Variants in DNAAF5 observed in about 807,000 individuals in gnomAD.
DNAAF5 encodes HEAT repeat containing 2.
In DNAAF5, 64 loss-of-function variants were observed where a neutral mutation model predicts 75.8. That is an observed-to-expected ratio of 0.84 (90% CI 0.69 to 1.04). The LOEUF is 1.04. Ranked by LOEUF, DNAAF5 falls within the 50% of genes least tolerant of loss-of-function variation. The probability of loss-of-function intolerance (pLI) is 0.00; values close to 1 mark genes in which losing one functional copy is unlikely to be tolerated. For missense variants in DNAAF5, 1,269 were observed against 1,178.5 expected (o/e 1.08, Z -1.12); for synonymous variants, 657 against 557.2 (o/e 1.18, Z -2.52).
At chr7:759,317 A>G (rs546310063) in intron 6 of DNAAF5, among the ~76,000 whole-genome samples, 7 of 152,328 alleles carry the variant, frequency 4.6e-5, no homozygotes, top group African/African-American at 1.7e-4. Flanking sequence ...TGGCTTTAGC[A>G]GTAGGTACTT....
chr7:775,851 G>A (rs150236220), intron 11 of DNAAF5, among the ~76,000 whole-genome samples: 29 of 152,266 alleles, frequency 1.9e-4, no homozygotes, highest in Middle Eastern at 3.4e-3. Context: ...AGCGTTAAAC[G>A]TAATCTAGAG....
At chr7:750,220 G>A (rs114503582) in intron 4 of DNAAF5, among the ~76,000 whole-genome samples, 1,621 of 152,318 alleles carry the variant, frequency 0.011, 31 homozygotes, top group African/African-American at 0.037. Flanking sequence ...GCACAGGTTC[G>A]TGGCCTAGGA....
intron 8 of DNAAF5, among the ~76,000 whole-genome samples, chr7:764,376 T>C (rs996260851): frequency 2.0e-5 from 3 of 152,258 alleles, no homozygotes; most frequent in African/African-American, 7.2e-5. Context: ...GTGGTTCTCT[T>C]TGAGCCTGCG....
intron 8 of DNAAF5, among the ~76,000 whole-genome samples, chr7:767,224 G>T (rs926808483): frequency 1.3e-4 from 18 of 139,476 alleles, no homozygotes; most frequent in African/African-American, 4.9e-4. Flanking sequence ...AGGCGACAGA[G>T]CGAGACTCGG....
Position 726,992 on chromosome 7 carries a change from G to C in DNAAF5, c.272G>C (p.Gly91Ala). Residue 91 changes from glycine to alanine, a missense_variant, in exon 1 of 13, where the codon GGC (glycine) becomes GCC (alanine). Coordinates refer to ENST00000297440, the MANE Select transcript of DNAAF5 (RefSeq NM_017802.4). ...CGCTGCCTGAGCGACCCCGCCGAGG[G>C]CTGCCGCGCGCTGGCAGTGCACCTG... ...LLRCLSDPAE[G>A]CRALAVHLLD... 1 of 1,261,184 alleles carries C rather than the reference G, an allele frequency of 7.9e-7. No individual in the cohort carries two copies. 78.1% of individuals were successfully genotyped at this position (1,261,184 alleles called of 1,614,324 possible).
rs74857857 is a variant in DNAAF5 at position 729,559 on chromosome 7, G to T, written c.596-104G>T. On this transcript the variant is annotated intron_variant, in intron 1 of 12. Coordinates refer to ENST00000297440, the MANE Select transcript of DNAAF5 (RefSeq NM_017802.4). ...AAGGACCTGGCGTAGGAGAGGAAGG[G>T]AGGTGAGGAACTCATAGGCAGGCAG... 200,016 of 1,046,970 alleles carry T rather than the reference G, an allele frequency of 0.19. 21,494 individuals are homozygous for T. The highest frequency in any genetic ancestry group is 0.25 in the Middle Eastern group (810 of 3,194). The allele number at this position is 1,046,970 out of a possible 1,614,324, so 64.9% of individuals were successfully genotyped here.
At position 727,176 on chromosome 7, in the gene DNAAF5, C is replaced by A. The variant is rs769656987; in HGVS notation, c.456C>A (p.Ala152=). 3.0e-6 allele frequency: 4 copies of A among 1,334,874 alleles called. No homozygotes were observed. Among genetic ancestry groups the A allele is most frequent in the African/African-American group, 1.5e-5 (1 of 64,736 alleles). The allele number at this position is 1,334,874 out of a possible 1,614,324, so 82.7% of individuals were successfully genotyped here. ...RLALVQLLGL[A]VDLCGAALAP... is the part of the protein sequence containing the mutation. Reference sequence around the variant, plus strand: ...CGCTTGTGCAGCTGCTGGGCCTGGCCGTGGACCTGTGCGGCGCCGCGCTCG... The same window carrying A: ...CGCTTGTGCAGCTGCTGGGCCTGGCAGTGGACCTGTGCGGCGCCGCGCTCG... The change falls in exon 1 of 13, where the codon GCC becomes GCA. Residue 152 remains alanine (A), a synonymous_variant. Transcript: ENST00000297440.
intron 8 of DNAAF5, among the ~76,000 whole-genome samples, chr7:769,446 G>T (rs1778478998): frequency 6.6e-6 from 1 of 152,206 alleles, no homozygotes; most frequent in African/African-American, 2.4e-5. Context: ...TGGGGCGTAG[G>T]ATGCACAGTG....
intron 2 of DNAAF5, 128 bp downstream of exon 2, chr7:729,975 C>T (rs1267314966): frequency 1.1e-6 from 1 of 874,040 alleles, no homozygotes; most frequent in African/African-American, 1.7e-5. Flanking sequence ...TTCATTATTC[C>T]TAGTCACAGG....
chr7:767,998 G>A (rs1415810761), intron 8 of DNAAF5, among the ~76,000 whole-genome samples: 4 of 148,130 alleles, frequency 2.7e-5, no homozygotes, highest in Non-Finnish European at 6.0e-5. Context: ...TAGACACGTG[G>A]CCCGGGCGGA....
Position 754,749 on chromosome 7 carries a change from G to A in DNAAF5, c.1185G>A (p.Thr395=), listed in dbSNP as rs139675128. The change falls in exon 5 of 13, where the codon ACG becomes ACA. Residue 395 remains threonine, a synonymous_variant. Coordinates refer to ENST00000297440, the MANE Select transcript of DNAAF5 (RefSeq NM_017802.4). This position sits in a 1 kb window ranked among gnomAD's most constrained non-coding sequence, Gnocchi z 4.8. The part of the protein sequence containing the change: ...VLLLHAEDHA[T]QHLEVVLRTL... Reference sequence around the variant, plus strand: ...TGCTGCATGCCGAGGACCACGCCACGCAGCACCTGGAGGTCGTCCTCCGGA... The same window carrying A: ...TGCTGCATGCCGAGGACCACGCCACACAGCACCTGGAGGTCGTCCTCCGGA... The A allele has an allele frequency of 8.6e-5, 138 of 1,613,546 alleles. No individual in the cohort carries two copies. In the African/African-American group the frequency reaches 1.4e-3, roughly 17 times the overall value.
chr7:731,277 A>C (rs1781553709), intron 2 of DNAAF5, among the ~76,000 whole-genome samples: 1 of 152,168 alleles, frequency 6.6e-6, no homozygotes, highest in African/African-American at 2.4e-5. Context: ...CACTGTCTAA[A>C]AATAACCATC....
At position 750,377 on chromosome 7, in the gene DNAAF5, C is replaced by T. The variant is rs555446703; in HGVS notation, c.1025-4212C>T. On this transcript the variant is annotated intron_variant, in intron 4 of 12. Transcript: ENST00000297440. ...GTGTTTCCCAGAACGCACCCCCCAC[C>T]GTTCAGCAACGCTTGACTGTACCAG... Among the ~76,000 whole-genome samples the T allele has an allele frequency of 5.9e-5, 9 of 152,334 alleles. No homozygotes were observed. The South Asian group carries it at 1.5e-3, about 25-fold the overall frequency.
intron 8 of DNAAF5, among the ~76,000 whole-genome samples, chr7:764,773 T>A (rs1244311502): frequency 6.6e-6 from 1 of 152,212 alleles, no homozygotes. Context: ...GTTTCCAAAT[T>A]AGAAAAGAAA....
chr7:774,322 T>G (rs1178419173), intron 10 of DNAAF5, 124 bp downstream of exon 10: 13 of 1,025,418 alleles, frequency 1.3e-5, no homozygotes, highest in African/African-American at 1.2e-4. Context: ...CTGGGGCCCG[T>G]ACCCCAAGAG....
intron 4 of DNAAF5, among the ~76,000 whole-genome samples, chr7:750,647 C>T (rs1782264383): frequency 6.6e-6 from 1 of 152,176 alleles, no homozygotes; most frequent in Non-Finnish European, 1.5e-5. Flanking sequence ...CGGTCACACT[C>T]CTTCACCATC....
rs150727390 is a variant in DNAAF5, at chr7:746,850, T to C, written c.1024+5385T>C. 3.9e-3 allele frequency among the ~76,000 whole-genome samples: 600 copies of C among 152,372 alleles called. 7 individuals are homozygous for C. Among genetic ancestry groups the C allele is most frequent in the African/African-American group, 0.014 (570 of 41,590 alleles). On this transcript the variant is annotated intron_variant, in intron 4 of 12. Coordinates refer to ENST00000297440, the MANE Select transcript of DNAAF5 (RefSeq NM_017802.4). ...TGCTCATGGGCCCTGGCACTGCTGC[T>C]GTGGGCTGCGTCCTGTGTGTCCCTT...
In DNAAF5 at chr7:726,929, A is replaced by G; in HGVS notation, c.209A>G (p.Gln70Arg). The change falls in exon 1 of 13, where the codon CAG (glutamine) becomes CGG (arginine). Residue 70 changes from glutamine to arginine, a missense_variant. By Grantham distance (43) the Gln-to-Arg change is conservative. Transcript: ENST00000297440. Reference sequence around the variant, plus strand: ...CCTGCCGCCGACCCCACCGCTTTCCAGGGCCCCTGGGCGCGCCTACTGCTG... The same window carrying G: ...CCTGCCGCCGACCCCACCGCTTTCCGGGGCCCCTGGGCGCGCCTACTGCTG... ...PGPAADPTAF[Q>R]GPWARLLLPR... 7.4e-7 allele frequency: 1 copy of G among 1,347,268 alleles called. No homozygotes were observed. The highest frequency in any genetic ancestry group is 9.6e-7 in the Non-Finnish European group (1 of 1,046,658). 83.5% of individuals were successfully genotyped at this position (1,347,268 alleles called of 1,614,324 possible).
chr7:778,683 T>G (rs1375754376), intron 11 of DNAAF5: 2 of 152,326 alleles, frequency 1.3e-5, no homozygotes, highest in African/African-American at 4.8e-5. Flanking sequence ...GGGACAAGCT[T>G]GGGTGAGTTG....
Sources: gnomAD v4.1 joint callset for allele counts (sites outside exome capture counted in the v4.1 genomes callset) on GRCh38, gnomAD v4.1.1 for gene constraint, Gnocchi (gnomAD v3.1) non-coding constraint, MANE v1.5 for transcripts, NCBI Gene and HGNC (gene_info 2026-07-23, HGNC 2026-07-21) for gene names.